Variants in MAST4 observed in about 807,000 individuals in gnomAD.
MAST4 encodes the protein microtubule associated serine/threonine kinase family member 4.
In MAST4, 89 loss-of-function variants were observed where a neutral mutation model predicts 162.7. The observed-to-expected ratio is 0.55, with a 90% CI of 0.46 to 0.65. The LOEUF (loss-of-function observed/expected upper bound fraction) is 0.65, where lower values mean the gene tolerates loss of function less well. Ranked by LOEUF, MAST4 falls within the 30% of genes least tolerant of loss-of-function variation. MAST4 has a pLI of 0.00. For missense variants in MAST4, 3,153 were observed against 3,374.0 expected, an observed-to-expected ratio of 0.93 and a Z score of 1.62; for synonymous variants, 1,479 against 1,361.1, an observed-to-expected ratio of 1.09 and a Z score of -1.91.
intron 2 of MAST4, among the ~76,000 whole-genome samples, chr5:66,778,379 T>C (rs1754699941): frequency 6.6e-6 from 1 of 152,136 alleles, no homozygotes; most frequent in Admixed American, 6.6e-5. Flanking sequence ...CATTGCAGAA[T>C]GGGAGAATTT....
intron 10 of MAST4, among the ~76,000 whole-genome samples, chr5:67,108,697 T>C (rs1366865114): frequency 2.6e-5 from 4 of 152,154 alleles, no homozygotes; most frequent in South Asian, 2.1e-4. Flanking sequence ...TATATGGTTT[T>C]TGTACCTGTG....
At chr5:67,084,657 G>A (rs1174756874) in intron 5 of MAST4, among the ~76,000 whole-genome samples, 1 of 152,136 alleles carries the variant, frequency 6.6e-6, no homozygotes, top group African/African-American at 2.4e-5. Context: ...TAGAGAAAGA[G>A]AGAAATGGAA....
intron 5 of MAST4, among the ~76,000 whole-genome samples, chr5:67,066,617 C>A (rs895676096): frequency 1.3e-5 from 2 of 152,116 alleles, no homozygotes; most frequent in Admixed American, 1.3e-4. Flanking sequence ...AACTGCCTCC[C>A]CCTAATGGAC....
intron 4 of MAST4, among the ~76,000 whole-genome samples, chr5:67,045,772 G>A (rs1379518787): frequency 6.6e-6 from 1 of 152,154 alleles, no homozygotes; most frequent in Non-Finnish European, 1.5e-5. Flanking sequence ...AAAAGAAGAG[G>A]TAGTTCCTAA....
At chr5:66,858,571 T>C (rs552279257) in intron 3 of MAST4, among the ~76,000 whole-genome samples, 68 of 152,220 alleles carry the variant, frequency 4.5e-4, no homozygotes, top group Non-Finnish European at 8.8e-4. Flanking sequence ...ATTTAACAAC[T>C]GCAGTTTTGT....
intron 1 of MAST4, among the ~76,000 whole-genome samples, chr5:66,722,242 G>C (rs1341088950): frequency 4.6e-5 from 7 of 151,942 alleles, no homozygotes; most frequent in Non-Finnish European, 1.0e-4. Context: ...CCCTCATTCC[G>C]CTCCAGCCAT....
rs1424787014 is a variant in MAST4 at position 67,061,853 on chromosome 5, A to T, written c.763+7361A>T. Among the ~76,000 whole-genome samples, 3 of 152,062 alleles carry T rather than the reference A, an allele frequency of 2.0e-5. No homozygotes were observed. The East Asian group carries it at 5.8e-4, about 29-fold the overall frequency. Reference sequence around the variant, plus strand: ...AAAAAAAAAAATCTGAATTCTTTCTAAACTGTATTGGTGAGCCTACAAAGG... The same window carrying T: ...AAAAAAAAAAATCTGAATTCTTTCTTAACTGTATTGGTGAGCCTACAAAGG... On this transcript the variant is annotated intron_variant, in intron 5 of 28. Coordinates refer to ENST00000403625, the MANE Select transcript of MAST4 (RefSeq NM_001164664.2).
chr5:67,082,191 C>G (rs995088337), intron 5 of MAST4, among the ~76,000 whole-genome samples: 1 of 139,048 alleles, frequency 7.2e-6, no homozygotes, highest in African/African-American at 2.7e-5. Flanking sequence ...ACTCTGTCGT[C>G]AGGCTGGAGT....
chr5:66,616,133 G>A (rs1001665508), intron 1 of MAST4, among the ~76,000 whole-genome samples: 1 of 152,142 alleles, frequency 6.6e-6, no homozygotes, highest in Non-Finnish European at 1.5e-5. Flanking sequence ...TGTAGCTTAA[G>A]GGAAGTTGAA....
chr5:66,820,913 A>G (rs79277301), intron 3 of MAST4, among the ~76,000 whole-genome samples: 1 of 152,248 alleles, frequency 6.6e-6, no homozygotes, highest in South Asian at 2.1e-4. Context: ...GCAAACGTCA[A>G]GGCAATATAG....
rs1744771682 is a variant in MAST4 at position 66,952,039 on chromosome 5, G to A, written c.674+52057G>A. On this transcript the variant is annotated intron_variant, in intron 4 of 28. Coordinates refer to ENST00000403625, the MANE Select transcript of MAST4 (RefSeq NM_001164664.2). ...TGATCTCATGCATTTCTCTTAAATGGTTTATTTCATTGTTCATGTGGAGCA... is the reference window on the plus strand; with the variant it reads ...TGATCTCATGCATTTCTCTTAAATGATTTATTTCATTGTTCATGTGGAGCA... Among the ~76,000 whole-genome samples, 9 of 152,082 alleles carry A rather than the reference G, an allele frequency of 5.9e-5. 1 individual carries two copies. The South Asian group carries it at 1.9e-3, about 32-fold the overall frequency.
rs1476726893 is a variant in MAST4, at chr5:67,121,055, G to A, written c.1698G>A (p.Arg566=). ...CCCTGAAACTTCGAAGGAAACCTCG[G>A]GAAAGTGATTTTGAAACGATTAAAT... The part of the protein sequence containing the change: ...NASLKLRRKP[R]ESDFETIKLI... Residue 566 remains arginine, a synonymous_variant, in exon 14 of 29, where the codon CGG becomes CGA. Transcript: ENST00000403625. The A allele has an allele frequency of 1.9e-6, 3 of 1,611,250 alleles. No individual in the cohort carries two copies. Among genetic ancestry groups the A allele is most frequent in the Non-Finnish European group, 2.5e-6 (3 of 1,178,818 alleles).
intron 1 of MAST4, among the ~76,000 whole-genome samples, chr5:66,750,290 G>C (rs951974854): frequency 2.6e-5 from 4 of 152,160 alleles, no homozygotes; most frequent in African/African-American, 9.7e-5. Flanking sequence ...TGCTGAGGGA[G>C]GAGCCAAGAT....
chr5:66,778,825 C>T (rs1372091428), intron 2 of MAST4, among the ~76,000 whole-genome samples: 2 of 152,190 alleles, frequency 1.3e-5, no homozygotes, highest in African/African-American at 4.8e-5. Flanking sequence ...TCCATAGCCT[C>T]ATGGTTTGTT....
intron 3 of MAST4, among the ~76,000 whole-genome samples, chr5:66,806,858 C>G (rs1756212882): frequency 6.6e-6 from 1 of 152,018 alleles, no homozygotes; most frequent in Non-Finnish European, 1.5e-5. Context: ...CCTTGGTTTT[C>G]TTGCCTGTGT....
intron 4 of MAST4, chr5:67,003,989 C>CG (rs1723690165): frequency 6.6e-6 from 1 of 152,280 alleles, no homozygotes; most frequent in Admixed American, 6.5e-5. Context: ...CAACCAGCGG[C>CG]GTCCTGGCGG....
intron 3 of MAST4, among the ~76,000 whole-genome samples, chr5:66,879,593 C>T (rs1268043172): frequency 1.3e-5 from 2 of 152,172 alleles, no homozygotes; most frequent in Non-Finnish European, 2.9e-5. Context: ...CTCACTGTAG[C>T]CTTGACCTCC....
At chr5:66,667,829 G>T (rs1580147901) in intron 1 of MAST4, among the ~76,000 whole-genome samples, 1 of 152,110 alleles carries the variant, frequency 6.6e-6, no homozygotes, top group Admixed American at 6.5e-5. Context: ...AAGAAATCTG[G>T]TATTCACCTT....
At chr5:66,841,224 G>T (rs1408502183) in intron 3 of MAST4, among the ~76,000 whole-genome samples, 1 of 152,152 alleles carries the variant, frequency 6.6e-6, no homozygotes, top group Non-Finnish European at 1.5e-5. Context: ...TTTGTAGACA[G>T]CTGAGCCTCC....
Sources: gnomAD v4.1 joint callset for allele counts (sites outside exome capture counted in the v4.1 genomes callset) on GRCh38, gnomAD v4.1.1 for gene constraint, MANE v1.5 for transcripts, NCBI Gene and HGNC (gene_info 2026-07-23, HGNC 2026-07-21) for gene names.